The following PER3 variants were observed in gnomAD, a reference collection of about 807,000 sequenced individuals.
The protein encoded by PER3 is period circadian regulator 3.
PER3 carries 107 observed loss-of-function variants against 127.2 expected under a neutral mutation model. The ratio of observed to expected loss-of-function variants is 0.84; its 90% CI spans 0.72 to 0.99. The LOEUF is 0.99. Ranked by LOEUF, PER3 falls within the 50% of genes least tolerant of loss-of-function variation. The probability of loss-of-function intolerance (pLI) is 0.00; values close to 1 mark genes in which losing one functional copy is unlikely to be tolerated. For synonymous variants in PER3, 618 were observed against 585.8 expected (o/e 1.05, Z -0.79); for missense variants, 1,560 against 1,525.8 (o/e 1.02, Z -0.37).
intron 6 of PER3, 53 bp downstream of exon 6, chr1:7,794,061 A>G (rs1467755988): frequency 7.0e-7 from 1 of 1,433,468 alleles, no homozygotes; most frequent in Admixed American, 1.7e-5. Flanking sequence ...TTCTGAGTTT[A>G]TTTTGCAGTT....
chr1:7,810,993 A>C (rs1258514643), intron 13 of PER3, among the ~76,000 whole-genome samples: 4 of 152,226 alleles, frequency 2.6e-5, no homozygotes, highest in Non-Finnish European at 5.9e-5. Flanking sequence ...TTTGTGACCT[A>C]AATTCAGTGA....
chr1:7,819,353 G>A lies in PER3; in HGVS notation c.1591G>A (p.Glu531Lys). Residue 531 changes from glutamate (E) to lysine (K), a missense_variant, in exon 14 of 22, where the codon GAG (glutamate) becomes AAG (lysine). Transcript: ENST00000377532. Reference protein sequence around the residue: ...KNNSVYTEPCEDLRNDEHSPS... With the variant: ...KNNSVYTEPCKDLRNDEHSPS... The stretch of plus-strand genomic sequence containing the variant: ...CAATAGTGTGTACACTGAGCCCTGT[G>A]AGGATTTGAGGAACGATGAGCACAG... 1 of 1,613,872 alleles carries A rather than the reference G, an allele frequency of 6.2e-7. No individual in the cohort carries two copies. The highest frequency in any genetic ancestry group is 8.5e-7 in the Non-Finnish European group (1 of 1,179,746).
intron 16 of PER3, among the ~76,000 whole-genome samples, chr1:7,823,804 T>C (rs963837419): frequency 6.6e-6 from 1 of 152,204 alleles, no homozygotes; most frequent in Non-Finnish European, 1.5e-5. Context: ...TTGATCTAAT[T>C]GACACTTAGA....
rs538861713 is a variant in PER3, at chr1:7,845,126, G to A, written c.*2371G>A. 2.0e-5 allele frequency: 3 copies of A among 152,180 alleles called. No homozygotes were observed. The highest frequency in any genetic ancestry group is 4.4e-5 in the Non-Finnish European group (3 of 68,016). The allele number at this position is 152,180 out of a possible 1,614,324, so 9.4% of individuals were successfully genotyped here. A position where few individuals can be genotyped will look rare whatever the true frequency, so the allele number is the denominator to read the frequency against. Reference sequence around the variant, plus strand: ...TTAATCATTAGTAATATTTCAGTTGGGTATCTTTTTAAGTAAAAACAACAA... The same window carrying A: ...TTAATCATTAGTAATATTTCAGTTGAGTATCTTTTTAAGTAAAAACAACAA... On this transcript the variant is annotated 3_prime_UTR_variant, in exon 22 of 22. Transcript: ENST00000377532.
At chr1:7,786,337 C>G (rs2097090646) in intron 3 of PER3, among the ~76,000 whole-genome samples, 1 of 152,182 alleles carries the variant, frequency 6.6e-6, no homozygotes, top group South Asian at 2.1e-4. Context: ...AACACTTTTT[C>G]TCTCTGACAT....
intron 4 of PER3, 22 bp downstream of exon 4, chr1:7,786,858 C>A: frequency 1.4e-6 from 2 of 1,382,820 alleles, no homozygotes; most frequent in South Asian, 1.2e-5. Flanking sequence ...TGCATTTTGC[C>A]ATATCAACCT....
In PER3 at chr1:7,837,073, A is replaced by C; in HGVS notation, c.3473A>C (p.His1158Pro). Residue 1158 changes from histidine (H) to proline (P), a missense_variant, in exon 21 of 22, where the codon CAT (histidine) becomes CCT (proline). By Grantham distance (77) the His-to-Pro change is moderately conservative (BLOSUM62 -2). This residue lies in a region of PER3 where 199 missense variants were observed against 198.6 expected (regional missense o/e 1.00). Coordinates refer to ENST00000377532, the MANE Select transcript of PER3 (RefSeq NM_001377275.1). ...AGGCAGCAGCAGCCCCAGTTTTCTC[A>C]TGGGCAAAAGGAGGAGCTGGCTAAG... ...SMRQQQPQFS[H>P]GQKEELAKVY... 2 of 1,613,574 alleles carry C rather than the reference A, an allele frequency of 1.2e-6. No homozygotes were observed. Among genetic ancestry groups the C allele is most frequent in the Non-Finnish European group, 8.5e-7 (1 of 1,179,582 alleles).
At chr1:7,810,167 A>C (rs993713269) in intron 12 of PER3, 146 bp downstream of exon 12, 1 of 853,460 alleles carries the variant, frequency 1.2e-6, no homozygotes, top group Admixed American at 2.7e-5. Context: ...GTTTGGAAAA[A>C]AAAGTCTGTA....
rs896461983 is a variant in PER3 at position 7,827,655 on chromosome 1, G to A, written c.2726G>A (p.Arg909Lys). 4 of 1,614,194 alleles carry A rather than the reference G, an allele frequency of 2.5e-6. No homozygotes were observed. The highest frequency in any genetic ancestry group is 3.4e-6 in the Non-Finnish European group (4 of 1,180,038). Residue 909 changes from arginine to lysine, a missense_variant, in exon 18 of 22, where the codon AGG becomes AAG. This residue lies in a region of PER3 where 1,332 missense variants were observed against 1,223.6 expected (regional missense o/e 1.09). Transcript: ENST00000377532. ...LDPPPSVTSQRREEEKWEAQS... is the reference protein window; with the variant it reads ...LDPPPSVTSQKREEEKWEAQS... ...CCACCCCCTTCAGTCACCAGCCAAAGGAGAGAGGAGGAAAAGTGGGAGGCA... is the reference window on the plus strand; with the variant it reads ...CCACCCCCTTCAGTCACCAGCCAAAAGAGAGAGGAGGAAAAGTGGGAGGCA...
At position 7,842,732 on chromosome 1, in the gene PER3, G is replaced by A. The variant is rs754513474; in HGVS notation, c.3610G>A (p.Val1204Ile). ...TGGTGCGGCCACATCCTGTGGTCAG[G>A]TTCTGGTAGAAGACAGCTGTTGAGT... ...ADGAATSCGQ[V>I]LVEDSC Residue 1204 changes from valine (V) to isoleucine (I), a missense_variant, in exon 22 of 22, where the codon GTT becomes ATT. By Grantham distance (29) the Val-to-Ile change is conservative. Coordinates refer to ENST00000377532, the MANE Select transcript of PER3 (RefSeq NM_001377275.1). The A allele has an allele frequency of 2.5e-6, 4 of 1,613,428 alleles. No individual in the cohort carries two copies. The highest frequency in any genetic ancestry group is 1.7e-6 in the Non-Finnish European group (2 of 1,179,520).
Position 7,826,791 on chromosome 1 carries a change from GAAC to G in PER3, c.2188+84_2188+86del. ...ATCTAAGGACTAGGAGATAAGGAGTGAACAATAGGAGTTTTACTTGTAAGAAAC... is the reference window on the plus strand; with the variant it reads ...ATCTAAGGACTAGGAGATAAGGAGTGAATAGGAGTTTTACTTGTAAGAAAC... On this transcript the variant is annotated intron_variant, in intron 17 of 21. Coordinates refer to ENST00000377532, the MANE Select transcript of PER3 (RefSeq NM_001377275.1). This position sits in a 1 kb window ranked among gnomAD's most constrained non-coding sequence, Gnocchi z 4.2. 2 of 811,210 alleles carry G rather than the reference GAAC, an allele frequency of 2.5e-6. No individual in the cohort carries two copies. Among genetic ancestry groups the G allele is most frequent in the Non-Finnish European group, 4.1e-6 (2 of 487,904 alleles). 50.3% of individuals were successfully genotyped at this position (811,210 alleles called of 1,614,324 possible).
At position 7,816,663 on chromosome 1, in the gene PER3, A is replaced by T. The variant is rs530845121; in HGVS notation, c.1523-2622A>T. The stretch of plus-strand genomic sequence containing the variant: ...TCTGTGAGAATGGCTAAGTTTTTTT[A>T]AAAAACTGACAAGTGTTGACAAGGA... On this transcript the variant is annotated intron_variant, in intron 13 of 21. Transcript: ENST00000377532. Among the ~76,000 whole-genome samples the T allele has an allele frequency of 2.6e-5, 4 of 152,312 alleles. No individual in the cohort carries two copies. The South Asian group carries it at 8.3e-4, about 32-fold the overall frequency.
intron 8 of PER3, 66 bp from the exon 9 acceptor site, chr1:7,802,981 T>TA (rs2097176964): frequency 1.2e-6 from 1 of 859,236 alleles, no homozygotes; most frequent in Non-Finnish European, 2.0e-6. Context: ...AATACAGAAG[T>TA]ATTTTTAAAA....
intron 4 of PER3, chr1:7,787,530 T>A: frequency 2.5e-6 from 1 of 397,694 alleles, no homozygotes; most frequent in Non-Finnish European, 4.9e-6. Flanking sequence ...ATTTGTCTTT[T>A]AAGATATTTA....
At chr1:7,808,493 T>G (rs934391617) in intron 10 of PER3, among the ~76,000 whole-genome samples, 3 of 152,224 alleles carry the variant, frequency 2.0e-5, no homozygotes, top group Non-Finnish European at 4.4e-5. Context: ...TTAGGTGCAA[T>G]AAACATTAAA....
chr1:7,803,808 C>T lies in PER3; in HGVS notation c.1096C>T (p.Arg366Trp), dbSNP rs772950694. Reference sequence around the variant, plus strand: ...GTCCAGCTTTGTGAATCCCTGGAGCCGGAAGATTTCTTTCATCATTGGTCG... The same window carrying T: ...GTCCAGCTTTGTGAATCCCTGGAGCTGGAAGATTTCTTTCATCATTGGTCG... ...SWSSFVNPWSRKISFIIGRHK... is the reference protein window; with the variant it reads ...SWSSFVNPWSWKISFIIGRHK... Residue 366 changes from arginine to tryptophan, a missense_variant, in exon 10 of 22, where the codon CGG (arginine) becomes TGG (tryptophan). Arg to Trp is a moderately radical substitution (Grantham distance 101, BLOSUM62 -3). This residue lies in a region of PER3 where 1,332 missense variants were observed against 1,223.6 expected (regional missense o/e 1.09). Transcript: ENST00000377532. The T allele has an allele frequency of 1.8e-5, 29 of 1,613,616 alleles. No homozygotes were observed. The East Asian group carries it at 3.6e-4, about 20-fold the overall frequency.
At chr1:7,834,782 A>T (rs945494073) in intron 19 of PER3, among the ~76,000 whole-genome samples, 3 of 152,108 alleles carry the variant, frequency 2.0e-5, no homozygotes, top group African/African-American at 7.2e-5. Context: ...AATGAGGAAA[A>T]TTTTTTTATT....
In PER3 at chr1:7,803,848, C is replaced by T. The variant is rs756178157; in HGVS notation, c.1136C>T (p.Thr379Met). The T allele has an allele frequency of 3.9e-5, 62 of 1,610,116 alleles. 1 individual carries two copies. Among genetic ancestry groups the T allele is most frequent in the South Asian group, 3.4e-4 (31 of 90,256 alleles). ...SFIIGRHKVRTSPLNEDVFAT... is the reference protein window; with the variant it reads ...SFIIGRHKVRMSPLNEDVFAT... Reference sequence around the variant, plus strand: ...ATCATTGGTCGGCATAAAGTTCGAACGTAAGCCAGTCAGTTTTCATATTTT... The same window carrying T: ...ATCATTGGTCGGCATAAAGTTCGAATGTAAGCCAGTCAGTTTTCATATTTT... Residue 379 changes from threonine (T) to methionine (M), a missense_variant and splice_region_variant, in exon 10 of 22, where the codon ACG becomes ATG. This residue lies in a region of PER3 where 1,332 missense variants were observed against 1,223.6 expected (regional missense o/e 1.09). Coordinates refer to ENST00000377532, the MANE Select transcript of PER3 (RefSeq NM_001377275.1).
intron 6 of PER3, among the ~76,000 whole-genome samples, chr1:7,795,558 G>C (rs2097141584): frequency 6.6e-6 from 1 of 152,342 alleles, no homozygotes; most frequent in South Asian, 2.1e-4. Context: ...GTGTGTTCCA[G>C]GCAGAGGGAG....
Sources: gnomAD v4.1 joint callset for allele counts (sites outside exome capture counted in the v4.1 genomes callset) on GRCh38, gnomAD v4.1.1 for gene constraint, gnomAD v4.1.1 regional missense constraint, Gnocchi (gnomAD v3.1) non-coding constraint, MANE v1.5 for transcripts, NCBI Gene and HGNC (gene_info 2026-07-23, HGNC 2026-07-21) for gene names.